RASSF4: variants seen among roughly 807,000 people sequenced by gnomAD.
The protein encoded by RASSF4 is ras association domain-containing protein 4.
A neutral mutation model predicts 41.1 loss-of-function variants in RASSF4; 38 were observed. That is an observed-to-expected ratio of 0.92 (90% CI 0.71 to 1.21). The LOEUF (loss-of-function observed/expected upper bound fraction) is 1.21, where lower values mean the gene tolerates loss of function less well. RASSF4 is among the 50% of genes most tolerant of loss of function. RASSF4 has a pLI of 0.00. For missense variants in RASSF4, 414 were observed against 419.4 expected, an observed-to-expected ratio of 0.99 and a Z score of 0.11; for synonymous variants, 179 against 163.4, an observed-to-expected ratio of 1.10 and a Z score of -0.73.
chr10:44,984,781 C>T (rs772023885), intron 5 of RASSF4, 32 bp from the exon 6 acceptor site: 9 of 1,609,278 alleles, frequency 5.6e-6, no homozygotes, highest in Admixed American at 1.7e-5. Flanking sequence ...GCATCACCCA[C>T]CCTGCCATTC....
Position 44,991,794 on chromosome 10 carries a change from C to A in RASSF4, c.808-111C>A, listed in dbSNP as rs1051106527. 18 of 698,626 alleles carry A rather than the reference C, an allele frequency of 2.6e-5. No homozygotes were observed. In the East Asian group the frequency reaches 4.6e-4, roughly 18 times the overall value. The allele number at this position is 698,626 out of a possible 1,614,324, so 43.3% of individuals were successfully genotyped here. On this transcript the variant is annotated intron_variant, in intron 9 of 10. Transcript: ENST00000340258. Reference sequence around the variant, plus strand: ...GGGGTGGGAAAAGCGGCAGCTCCTTCTGTGGATACAAGATGTTGGCTGGAT... The same window carrying A: ...GGGGTGGGAAAAGCGGCAGCTCCTTATGTGGATACAAGATGTTGGCTGGAT...
chr10:44,984,633 T>C, intron 5 of RASSF4, 180 bp from the exon 6 acceptor site: 1 of 697,542 alleles, frequency 1.4e-6, no homozygotes, highest in Non-Finnish European at 2.5e-6. Flanking sequence ...CCTGTCTGGG[T>C]CTCACCTTCC....
At chr10:44,982,834 T>C in intron 4 of RASSF4, 171 bp downstream of exon 4, 3 of 758,992 alleles carry the variant, frequency 4.0e-6, no homozygotes, top group African/African-American at 1.8e-5. Context: ...TCGCCCAGGG[T>C]GGCCTCTCCC....
chr10:44,977,722 G>T (rs1401657623), intron 3 of RASSF4: 5 of 1,610,990 alleles, frequency 3.1e-6, no homozygotes, highest in Non-Finnish European at 4.2e-6. Context: ...AGTCCAGGGG[G>T]TCCACAGTAT....
chr10:44,988,138 G>T (rs545999633), intron 6 of RASSF4, among the ~76,000 whole-genome samples: 67 of 152,254 alleles, frequency 4.4e-4, no homozygotes, highest in Middle Eastern at 3.4e-3. Context: ...CAGCACCAGG[G>T]GGGTAACATG....
chr10:44,969,790 G>A (rs1433980886), intron 1 of RASSF4, among the ~76,000 whole-genome samples: 1 of 152,250 alleles, frequency 6.6e-6, no homozygotes, highest in Non-Finnish European at 1.5e-5. Flanking sequence ...GAGGCCCAGG[G>A]TAGCTCTGGA....
chr10:44,977,323 C>T (rs1449636387), intron 3 of RASSF4: 4 of 1,497,400 alleles, frequency 2.7e-6, no homozygotes, highest in Admixed American at 2.3e-5. Context: ...GGGCAGTGAC[C>T]ACCATGGAGG....
chr10:44,967,990 G>A (rs994111408), intron 1 of RASSF4, among the ~76,000 whole-genome samples: 3 of 152,104 alleles, frequency 2.0e-5, no homozygotes, highest in Non-Finnish European at 2.9e-5. Flanking sequence ...AAGCCCTAAG[G>A]GAAAAAAAGC....
intron 1 of RASSF4, among the ~76,000 whole-genome samples, chr10:44,966,540 G>A (rs1840909680): frequency 1.3e-5 from 2 of 152,184 alleles, no homozygotes. Context: ...AGGGGGTTGG[G>A]AGCTGCTTCC....
At chr10:44,981,222 A>G (rs1326281052) in intron 3 of RASSF4, 1 of 152,154 alleles carries the variant, frequency 6.6e-6, no homozygotes, top group Non-Finnish European at 1.5e-5. Context: ...TGAATCTAAA[A>G]TATGGGTCAG....
At chr10:44,977,472 T>C in intron 3 of RASSF4, 2 of 1,612,456 alleles carry the variant, frequency 1.2e-6, no homozygotes, top group Non-Finnish European at 1.7e-6. Context: ...CGGGAGGCCA[T>C]GGCTTGGGCA....
rs773388403 is a variant in RASSF4, at chr10:44,984,925, C to T, written c.486C>T (p.Ile162=). 1.2e-6 allele frequency: 2 copies of T among 1,613,326 alleles called. No homozygotes were observed. The highest frequency in any genetic ancestry group is 2.2e-5 in the South Asian group (2 of 91,066). The change falls in exon 6 of 11, where the codon ATC becomes ATT. Residue 162 remains isoleucine, a synonymous_variant. Coordinates refer to ENST00000340258, the MANE Select transcript of RASSF4 (RefSeq NM_032023.4). ...KCRAPGEAQR[I]RRHRFSINGH... ...GCGCCCCCGGTGAGGCCCAGCGCATCCGGCGACACCGGTTCTCTATCAACG... is the reference window on the plus strand; with the variant it reads ...GCGCCCCCGGTGAGGCCCAGCGCATTCGGCGACACCGGTTCTCTATCAACG...
intron 8 of RASSF4, 128 bp from the exon 9 acceptor site, chr10:44,990,820 G>C (rs1842081625): frequency 2.2e-6 from 2 of 906,202 alleles, no homozygotes; most frequent in Non-Finnish European, 3.4e-6. Context: ...GGGCAGCGCT[G>C]TTAGCGAGGT....
intron 1 of RASSF4, among the ~76,000 whole-genome samples, chr10:44,969,033 T>C (rs2132766608): frequency 6.6e-6 from 1 of 151,584 alleles, no homozygotes; most frequent in Non-Finnish European, 1.5e-5. Context: ...AGCATGTGTG[T>C]ATGTGTTAAG....
chr10:44,978,323 C>G, intron 3 of RASSF4: 1 of 365,762 alleles, frequency 2.7e-6, no homozygotes, highest in Non-Finnish European at 4.9e-6. Context: ...CAGAGGAAGG[C>G]TGGGTTTAAA....
intron 1 of RASSF4, among the ~76,000 whole-genome samples, chr10:44,963,292 G>T (rs1278915045): frequency 6.9e-6 from 1 of 143,970 alleles, no homozygotes; most frequent in African/African-American, 2.6e-5. Context: ...GGGAGCAGCA[G>T]CTGCTGAGTC....
intron 3 of RASSF4, chr10:44,978,343 G>A (rs1296190062): frequency 1.9e-5 from 6 of 308,824 alleles, no homozygotes; most frequent in Non-Finnish European, 3.5e-5. Flanking sequence ...AACCAGGATC[G>A]GCCACGCACT....
At chr10:44,963,726 T>TA (rs1840797165) in intron 1 of RASSF4, among the ~76,000 whole-genome samples, 1 of 152,278 alleles carries the variant, frequency 6.6e-6, no homozygotes, top group African/African-American at 2.4e-5. Context: ...AATAAGAAAA[T>TA]AAAAATCACA....
At chr10:44,975,149 G>C (rs566168452) in intron 3 of RASSF4, among the ~76,000 whole-genome samples, 3 of 152,252 alleles carry the variant, frequency 2.0e-5, no homozygotes, top group African/African-American at 7.2e-5. Flanking sequence ...TCCACATCCA[G>C]TCCCGCTCCT....
Sources: allele counts gnomAD v4.1 joint callset (sites outside exome capture counted in the v4.1 genomes callset), GRCh38; gene constraint gnomAD v4.1.1; transcripts MANE v1.5; gene names NCBI Gene and HGNC (gene_info 2026-07-23, HGNC 2026-07-21).